TBC1D21: variants seen among roughly 807,000 people sequenced by gnomAD.
TBC1D21 encodes male germ cell Rab GTPase-activating protein.
TBC1D21 carries 38 observed loss-of-function variants against 46.0 expected under a neutral mutation model. That is an observed-to-expected ratio of 0.83 (90% CI 0.64 to 1.08). The LOEUF is 1.08. Among genes scored for constraint, TBC1D21 ranks in the 50% least tolerant of loss-of-function variants. The pLI is 0.00. For synonymous variants in TBC1D21, 151 were observed against 157.2 expected, an observed-to-expected ratio of 0.96 and a Z score of 0.29; for missense variants, 415 against 417.9, an observed-to-expected ratio of 0.99 and a Z score of 0.06.
At chr15:73,880,202 T>C (rs1047418669) in intron 1 of TBC1D21, among the ~76,000 whole-genome samples, 6 of 152,162 alleles carry the variant, frequency 3.9e-5, no homozygotes, top group South Asian at 2.1e-4. Flanking sequence ...ACCCTAGTTA[T>C]TATTTTATAA....
chr15:73,904,346 C>T, the TBC1D21 span, among the ~76,000 whole-genome samples: 2 of 152,226 alleles, frequency 1.3e-5, no homozygotes, highest in Admixed American at 1.3e-4. Flanking sequence ...CCCCTTCTTG[C>T]CTAGTGGTGT....
chr15:73,873,966 A>C (rs527700781), intron 1 of TBC1D21, among the ~76,000 whole-genome samples, 197 bp downstream of exon 1: 1 of 152,266 alleles, frequency 6.6e-6, no homozygotes, highest in East Asian at 1.9e-4. Flanking sequence ...CCTTCTTTCC[A>C]AGCCAGCAAA....
At chr15:73,905,025 A>G in the TBC1D21 span, among the ~76,000 whole-genome samples, 1 of 152,220 alleles carries the variant, frequency 6.6e-6, no homozygotes, top group Non-Finnish European at 1.5e-5. Context: ...AGTGACAAAC[A>G]AAGACCGTAG....
chr15:73,881,782 G>A, intron 3 of TBC1D21, 35 bp downstream of exon 3: 3 of 1,577,844 alleles, frequency 1.9e-6, no homozygotes, highest in South Asian at 1.1e-5. Flanking sequence ...GACAGGAGGG[G>A]GGCCTGCAGG....
At chr15:73,895,564 C>T in the TBC1D21 span, among the ~76,000 whole-genome samples, 1 of 152,218 alleles carries the variant, frequency 6.6e-6, no homozygotes, top group Non-Finnish European at 1.5e-5. Flanking sequence ...TGACCCTCAC[C>T]TGCAGTGATA....
Position 73,876,199 on chromosome 15 carries a change from GTTTTTTTTTTTTTTTTTTTTTTTTTTTTT to G in TBC1D21, c.60+2448_60+2476del, listed in dbSNP as rs539517539. On this transcript the variant is annotated intron_variant, in intron 1 of 10. Transcript: ENST00000300504. ...GAAGAATCAGTGACTTTTTTTGTGGGTTTTTTTTTTTTTTTTTTTTTTTTTTTTTTTTTTTTTTTTTTTTTTGAGACGGA... is the reference window on the plus strand; with the variant it reads ...GAAGAATCAGTGACTTTTTTTGTGGGTTTTTTTTTTTTTTTTTGAGACGGA... Among the ~76,000 whole-genome samples the G allele has an allele frequency of 8.5e-4, 24 of 28,312 alleles. 1 individual carries two copies. Among genetic ancestry groups the G allele is most frequent in the South Asian group, 3.1e-3 (3 of 960 alleles). 18.6% of individuals were successfully genotyped at this position (28,312 alleles called of 152,430 possible).
chr15:73,900,160 G>T, the TBC1D21 span, among the ~76,000 whole-genome samples: 1 of 152,232 alleles, frequency 6.6e-6, no homozygotes, highest in Non-Finnish European at 1.5e-5. Flanking sequence ...GGGCTGAGCT[G>T]CCAGCCCTGG....
chr15:73,874,749 C>T (rs1345580656), intron 1 of TBC1D21, among the ~76,000 whole-genome samples: 2 of 152,122 alleles, frequency 1.3e-5, no homozygotes, highest in Non-Finnish European at 2.9e-5. Flanking sequence ...AGACGAAGCC[C>T]AGAGATCTGT....
At chr15:73,880,685 C>T (rs1286203094) in intron 1 of TBC1D21, among the ~76,000 whole-genome samples, 2 of 152,136 alleles carry the variant, frequency 1.3e-5, no homozygotes, top group Non-Finnish European at 2.9e-5. Context: ...GCAGGAGAAT[C>T]GCTTGAACCT....
At chr15:73,875,963 T>A (rs959795413) in intron 1 of TBC1D21, among the ~76,000 whole-genome samples, 3 of 152,168 alleles carry the variant, frequency 2.0e-5, no homozygotes, top group Non-Finnish European at 4.4e-5. Flanking sequence ...TTCTCTGATT[T>A]CTAGCATAGG....
Position 73,874,153 on chromosome 15 carries a change from G to A in TBC1D21, c.60+384G>A, listed in dbSNP as rs1004891782. On this transcript the variant is annotated intron_variant, in intron 1 of 10. Coordinates refer to ENST00000300504, the MANE Select transcript of TBC1D21 (RefSeq NM_153356.3). ...TTCTAAACCCAGTTTACAAGATACA[G>A]CTATTTGTTAGAAGTCGGCTTCAGT... Among the ~76,000 whole-genome samples the A allele has an allele frequency of 2.0e-5, 3 of 152,186 alleles. No individual in the cohort carries two copies. In the East Asian group the frequency reaches 5.8e-4, roughly 29 times the overall value.
At chr15:73,887,785 A>ACACCC in intron 9 of TBC1D21, 49 bp downstream of exon 9, 2 of 1,505,958 alleles carry the variant, frequency 1.3e-6, no homozygotes, top group Non-Finnish European at 9.2e-7. Flanking sequence ...GGAGGCCCTG[A>ACACCC]CACCCCACCC....
chr15:73,882,951 GC>G (rs1191718675), intron 3 of TBC1D21, among the ~76,000 whole-genome samples: 1 of 152,246 alleles, frequency 6.6e-6, no homozygotes, highest in Non-Finnish European at 1.5e-5. Context: ...GGCAGAGGCT[GC>G]AGCCAGTTTG....
downstream of TBC1D21, among the ~76,000 whole-genome samples, chr15:73,894,103 C>G (rs1303259612): frequency 6.6e-6 from 1 of 152,236 alleles, no homozygotes; most frequent in East Asian, 1.9e-4. Flanking sequence ...CTGGGTTACA[C>G]AGCTAGTGAT....
intron 6 of TBC1D21, 59 bp from the exon 7 acceptor site, chr15:73,886,019 A>G (rs552859465): frequency 2.7e-6 from 4 of 1,465,386 alleles, no homozygotes; most frequent in Non-Finnish European, 3.8e-6. Flanking sequence ...AGCAGAGTTG[A>G]CTCTTCCGGT....
downstream of TBC1D21, chr15:73,889,252 C>A: frequency 1.1e-6 from 1 of 919,868 alleles, no homozygotes; most frequent in Non-Finnish European, 1.7e-6. Flanking sequence ...ACCTTAGGGG[C>A]TGGGACGCAC....
chr15:73,884,648 G>A (rs1371125058), intron 4 of TBC1D21, 133 bp from the exon 5 acceptor site: 1 of 658,082 alleles, frequency 1.5e-6, no homozygotes, highest in African/African-American at 1.8e-5. Flanking sequence ...GGCAGGGGCT[G>A]ATGTACCTTT....
the TBC1D21 span, among the ~76,000 whole-genome samples, chr15:73,897,419 T>C: frequency 6.6e-6 from 1 of 152,254 alleles, no homozygotes. Flanking sequence ...AGTAGTCAGG[T>C]TCAGAATTAA....
intron 8 of TBC1D21, 61 bp downstream of exon 8, chr15:73,886,673 G>A: frequency 6.6e-7 from 1 of 1,512,228 alleles, no homozygotes. Flanking sequence ...AGTGGAAGCT[G>A]CAAGTCTTCC....
Sources: gnomAD v4.1 joint callset for allele counts (sites outside exome capture counted in the v4.1 genomes callset) on GRCh38, gnomAD v4.1.1 for gene constraint, MANE v1.5 for transcripts, NCBI Gene and HGNC (gene_info 2026-07-23, HGNC 2026-07-21) for gene names.